Variants in MAP2 observed in about 807,000 individuals in gnomAD.
The protein encoded by MAP2 is microtubule-associated protein 2.
In MAP2, 14 loss-of-function variants were observed where a neutral mutation model predicts 137.6. The observed-to-expected ratio is 0.10, with a 90% confidence interval of 0.07 to 0.16. MAP2 has a LOEUF of 0.16. Ranked by LOEUF, MAP2 falls within the 10% of genes least tolerant of loss-of-function variation. The pLI, the probability that MAP2 is intolerant of heterozygous loss-of-function variation, is 1.00. For missense variants in MAP2, 2,088 were observed against 2,191.5 expected, an observed-to-expected ratio of 0.95 and a Z score of 0.94; for synonymous variants, 786 against 782.3, an observed-to-expected ratio of 1.00 and a Z score of -0.08.
chr2:209,549,058 A>G lies in MAP2; in HGVS notation c.-171-30978A>G, dbSNP rs150269502. 1.7e-3 allele frequency among the ~76,000 whole-genome samples: 257 copies of G among 152,344 alleles called. 1 individual carries two copies. In the Middle Eastern group the frequency reaches 0.017, roughly 10 times the overall value. On this transcript the variant is annotated intron_variant, in intron 2 of 15. Coordinates refer to ENST00000682079, the MANE Select transcript of MAP2 (RefSeq NM_001375505.1). ...TTTCAATCATAAGGCTCTTTGCCCT[A>G]TAGTCACAAGATAGCTGCTACATGT...
intron 1 of MAP2, among the ~76,000 whole-genome samples, chr2:209,507,242 CTT>C (rs1208359990): frequency 6.6e-6 from 1 of 152,056 alleles, no homozygotes; most frequent in Non-Finnish European, 1.5e-5. Context: ...TTAAACATCT[CTT>C]AAGAGCAATG....
chr2:209,537,196 CACGA>C (rs2066096622), intron 2 of MAP2, among the ~76,000 whole-genome samples: 1 of 152,162 alleles, frequency 6.6e-6, no homozygotes, highest in Non-Finnish European at 1.5e-5. Context: ...TGGTAATTCT[CACGA>C]TATTTCAAAC....
intron 2 of MAP2, among the ~76,000 whole-genome samples, chr2:209,556,662 TAAAAAAAA>T (rs111264428): frequency 9.2e-6 from 1 of 108,490 alleles, no homozygotes; most frequent in African/African-American, 3.3e-5. Context: ...TCTGGCCTAT[TAAAAAAAA>T]AAAAAAAAAA....
chr2:209,662,256 T>C (rs1292289674), intron 5 of MAP2, among the ~76,000 whole-genome samples: 2 of 152,360 alleles, frequency 1.3e-5, no homozygotes, highest in East Asian at 3.9e-4. Flanking sequence ...TCTATGTGTG[T>C]TCCTCAAGAA....
chr2:209,680,569 A>G (rs1157604372), intron 6 of MAP2, among the ~76,000 whole-genome samples, 181 bp from the exon 7 acceptor site: 2 of 152,098 alleles, frequency 1.3e-5, no homozygotes, highest in South Asian at 2.1e-4. Context: ...CTTATTTTTT[A>G]GGTTTTCAAA....
intron 2 of MAP2, among the ~76,000 whole-genome samples, chr2:209,563,862 A>T (rs2072773012): frequency 6.6e-6 from 1 of 152,196 alleles, no homozygotes; most frequent in Non-Finnish European, 1.5e-5. Context: ...TATGGTTACC[A>T]GTTCACAAAC....
At chr2:209,502,315 G>A (rs575850310) in intron 1 of MAP2, among the ~76,000 whole-genome samples, 6 of 152,256 alleles carry the variant, frequency 3.9e-5, no homozygotes, top group African/African-American at 1.4e-4. Context: ...AGCTTTTTAA[G>A]ATTCCACATA....
intron 1 of MAP2, among the ~76,000 whole-genome samples, chr2:209,452,390 C>G (rs1700524924): frequency 6.6e-6 from 1 of 152,180 alleles, no homozygotes; most frequent in African/African-American, 2.4e-5. Context: ...AGGAACTCTC[C>G]TCTTTCCTAT....
intron 3 of MAP2, among the ~76,000 whole-genome samples, chr2:209,612,960 A>G (rs1182813920): frequency 6.6e-6 from 1 of 152,152 alleles, no homozygotes; most frequent in East Asian, 1.9e-4. Context: ...TTTCAAAGTT[A>G]TATCAGGATC....
chr2:209,701,439 G>GA (rs1297250383), intron 11 of MAP2, among the ~76,000 whole-genome samples: 1 of 151,560 alleles, frequency 6.6e-6, no homozygotes, highest in African/African-American at 2.4e-5. Flanking sequence ...ATGATTGAAA[G>GA]AAAAAAATTA....
chr2:209,669,402 A>G (rs1279321622), intron 5 of MAP2, among the ~76,000 whole-genome samples: 3 of 152,050 alleles, frequency 2.0e-5, no homozygotes, highest in Non-Finnish European at 2.9e-5. Flanking sequence ...TATGTTGGGG[A>G]TGAGAGAGAA....
chr2:209,670,365 C>T (rs1185550878), intron 5 of MAP2, among the ~76,000 whole-genome samples: 1 of 151,974 alleles, frequency 6.6e-6, no homozygotes, highest in Non-Finnish European at 1.5e-5. Context: ...TACTGGCTTA[C>T]CATATTTCTT....
At chr2:209,481,649 C>T (rs1194337911) in intron 1 of MAP2, among the ~76,000 whole-genome samples, 1 of 152,182 alleles carries the variant, frequency 6.6e-6, no homozygotes, top group African/African-American at 2.4e-5. Flanking sequence ...ATGAATTTGA[C>T]TGCAGATGAA....
chr2:209,710,145 C>G lies in MAP2; in HGVS notation c.4964C>G (p.Ala1655Gly). ...ATACGTACTCCTCCAAAATCTCCTGCGACTCCCAAGCAGCTTCGGCTTATT... is the reference window on the plus strand; with the variant it reads ...ATACGTACTCCTCCAAAATCTCCTGGGACTCCCAAGCAGCTTCGGCTTATT... The part of the protein sequence containing the change: ...AIIRTPPKSP[A>G]TPKQLRLINQ... The change falls in exon 13 of 16, where the codon GCG (alanine) becomes GGG (glycine). Residue 1655 changes from alanine to glycine, a missense_variant. By Grantham distance (60) the Ala-to-Gly change is moderately conservative (BLOSUM62 0). Coordinates refer to ENST00000682079, the MANE Select transcript of MAP2 (RefSeq NM_001375505.1). 1 of 1,613,958 alleles carries G rather than the reference C, an allele frequency of 6.2e-7. No individual in the cohort carries two copies. Among genetic ancestry groups the G allele is most frequent in the Non-Finnish European group, 8.5e-7 (1 of 1,179,992 alleles).
At chr2:209,625,990 A>G (rs183980406) in intron 4 of MAP2, among the ~76,000 whole-genome samples, 10 of 152,306 alleles carry the variant, frequency 6.6e-5, no homozygotes, top group Non-Finnish European at 1.0e-4. Context: ...TAGGAAATAT[A>G]TTTCAATTTA....
intron 2 of MAP2, among the ~76,000 whole-genome samples, chr2:209,563,481 A>T: frequency 6.6e-6 from 1 of 151,884 alleles, no homozygotes; most frequent in East Asian, 1.9e-4. Context: ...CACGAGAACA[A>T]CCCTCCTTCA....
At chr2:209,529,284 ATTG>A (rs1362548180) in intron 2 of MAP2, among the ~76,000 whole-genome samples, 2 of 152,118 alleles carry the variant, frequency 1.3e-5, no homozygotes, top group African/African-American at 4.8e-5. Context: ...GACAAACTCT[ATTG>A]TTGTCAAGAT....
chr2:209,677,386 T>TTAGA lies in MAP2; in HGVS notation c.263-1169_263-1166dup, dbSNP rs756741030. On this transcript the variant is annotated intron_variant, in intron 5 of 15. Coordinates refer to ENST00000682079, the MANE Select transcript of MAP2 (RefSeq NM_001375505.1). ...GATAGGTAGGTAGATAGATGATAGA[T>TTAGA]TAGATAGATAGATAGATAGACAGAC... is the stretch of plus-strand genomic sequence containing the variant. Among the ~76,000 whole-genome samples, 1,277 of 149,206 alleles carry TTAGA rather than the reference T, an allele frequency of 8.6e-3. 16 individuals are homozygous for TTAGA. The highest frequency in any genetic ancestry group is 0.026 in the African/African-American group (1,044 of 40,126).
At chr2:209,629,516 A>T (rs1447492580) in intron 4 of MAP2, among the ~76,000 whole-genome samples, 5 of 152,210 alleles carry the variant, frequency 3.3e-5, no homozygotes, top group African/African-American at 7.2e-5. Flanking sequence ...GAAAATAAAT[A>T]CTTTGACTTG....
Sources: gnomAD v4.1 joint callset for allele counts (sites outside exome capture counted in the v4.1 genomes callset) on GRCh38, gnomAD v4.1.1 for gene constraint, MANE v1.5 for transcripts, NCBI Gene and HGNC (gene_info 2026-07-23, HGNC 2026-07-21) for gene names.